The following PRR7 variants were observed in gnomAD, a reference collection of about 807,000 sequenced individuals.
The protein encoded by PRR7 is proline-rich protein 7.
Under a neutral mutation model 18.5 loss-of-function variants are expected in PRR7, and 8 were observed. The ratio of observed to expected loss-of-function variants is 0.43; its 90% CI spans 0.25 to 0.78. PRR7 has a LOEUF of 0.78. PRR7 is among the 30% of genes least tolerant of loss of function. The pLI, the probability that PRR7 is intolerant of heterozygous loss-of-function variation, is 0.22. For missense variants in PRR7, 396 were observed against 403.1 expected (o/e 0.98, Z 0.15); for synonymous variants, 221 against 187.7 (o/e 1.18, Z -1.45).
Position 177,449,203 on chromosome 5 carries a change from C to T in PRR7, c.-325+2243C>T, listed in dbSNP as rs1756066336. 6.6e-6 allele frequency among the ~76,000 whole-genome samples: 1 copy of T among 152,240 alleles called. No homozygotes were observed. The highest frequency in any genetic ancestry group is 2.4e-5 in the African/African-American group (1 of 41,456). The stretch of plus-strand genomic sequence containing the variant: ...TTTAAAACATGTCTGAGAACTGTGT[C>T]CAACCTAAGGGTCCTGTGTCTGAGA... On this transcript the variant is annotated intron_variant, in intron 1 of 3. Transcript: ENST00000323249. The surrounding 1 kb of genome is among the most constrained non-coding windows in gnomAD (Gnocchi z 4.2).
Position 177,455,161 on chromosome 5 carries a change from A to G in PRR7, c.94A>G (p.Ser32Gly). Residue 32 changes from serine (S) to glycine (G), a missense_variant, in exon 3 of 4, where the codon AGC becomes GGC. Ser to Gly is a moderately conservative substitution (Grantham distance 56). Coordinates refer to ENST00000323249, the MANE Select transcript of PRR7 (RefSeq NM_030567.5). The surrounding 1 kb of genome is among the most constrained non-coding windows in gnomAD (Gnocchi z 6.9). The stretch of plus-strand genomic sequence containing the variant: ...CATCGTCCTGCTCTGCTGCTTCTGC[A>G]GCTTCCTGCGCCGCCGCCTCAAACG... ...GLIVLLCCFC[S>G]FLRRRLKRRQ... 6.3e-7 allele frequency: 1 copy of G among 1,576,120 alleles called. No homozygotes were observed.
rs1756148742 is a variant in PRR7 at position 177,451,031 on chromosome 5, G to A, written c.-324-2925G>A. Among the ~76,000 whole-genome samples the A allele has an allele frequency of 2.0e-5, 3 of 152,336 alleles. 1 individual carries two copies. Among genetic ancestry groups the A allele is most frequent in the Admixed American group, 2.0e-4 (3 of 15,302 alleles). On this transcript the variant is annotated intron_variant, in intron 1 of 3. Coordinates refer to ENST00000323249, the MANE Select transcript of PRR7 (RefSeq NM_030567.5). ...GGCAAGCATGGTGATGGGGGCCAGG[G>A]GAGAGACGATGCTGGCCTGGCCAAG...
chr5:177,455,516 G>A lies in PRR7; in HGVS notation c.427+22G>A. On this transcript the variant is annotated intron_variant, in intron 3 of 3. Coordinates refer to ENST00000323249, the MANE Select transcript of PRR7 (RefSeq NM_030567.5). The surrounding 1 kb of genome is among the most constrained non-coding windows in gnomAD (Gnocchi z 6.9). ...CAAGGTGAGTACCGACCTCCGCCAG[G>A]GGGCGATCCGGGCCGCCGGAAGTGG... The A allele has an allele frequency of 6.9e-7, 1 of 1,457,600 alleles. No individual in the cohort carries two copies. The allele number at this position is 1,457,600 out of a possible 1,614,324, so 90.3% of individuals were successfully genotyped here. A position where few individuals can be genotyped will look rare whatever the true frequency, so the allele number is the denominator to read the frequency against.
Position 177,456,273 on chromosome 5 carries a change from C to A in PRR7, c.*152C>A. 9.3e-7 allele frequency: 1 copy of A among 1,075,538 alleles called. No individual in the cohort carries two copies. Among genetic ancestry groups the A allele is most frequent in the Non-Finnish European group, 1.3e-6 (1 of 793,084 alleles). 66.6% of individuals were successfully genotyped at this position (1,075,538 alleles called of 1,614,324 possible). On this transcript the variant is annotated 3_prime_UTR_variant, in exon 4 of 4. Coordinates refer to ENST00000323249, the MANE Select transcript of PRR7 (RefSeq NM_030567.5). The stretch of plus-strand genomic sequence containing the variant: ...TTTGAGGATAATAAAGGTGTGTGAT[C>A]TGGTTTGGTACAAGCGGAGGGTGCA...
At position 177,450,478 on chromosome 5, in the gene PRR7, T is replaced by C. The variant is rs980974852; in HGVS notation, c.-324-3478T>C. 1.1e-4 allele frequency among the ~76,000 whole-genome samples: 16 copies of C among 152,194 alleles called. No individual in the cohort carries two copies. Among genetic ancestry groups the C allele is most frequent in the South Asian group, 6.2e-4 (3 of 4,836 alleles). ...ATGGCTGACATTTCCCAGGAATGAA[T>C]TGGACACAGAGCCAGCCCTTGAGGT... is the stretch of plus-strand genomic sequence containing the variant. On this transcript the variant is annotated intron_variant, in intron 1 of 3. Coordinates refer to ENST00000323249, the MANE Select transcript of PRR7 (RefSeq NM_030567.5). This position sits in a 1 kb window ranked among gnomAD's most constrained non-coding sequence, Gnocchi z 6.6.
At position 177,455,421 on chromosome 5, in the gene PRR7, C is replaced by A. The variant is rs1028868393; in HGVS notation, c.354C>A (p.His118Gln). The change falls in exon 3 of 4, where the codon CAC becomes CAA. Residue 118 changes from histidine (H) to glutamine (Q), a missense_variant. His to Gln is a conservative substitution (Grantham distance 24, BLOSUM62 0). Transcript: ENST00000323249. This position sits in a 1 kb window ranked among gnomAD's most constrained non-coding sequence, Gnocchi z 6.9. Reference protein sequence around the residue: ...QPHAHAHPHPHHHALPHPPPT... With the variant: ...QPHAHAHPHPQHHALPHPPPT... Reference sequence around the variant, plus strand: ...ACGCGCACGCGCACCCACACCCGCACCACCACGCGCTCCCGCACCCGCCGC... The same window carrying A: ...ACGCGCACGCGCACCCACACCCGCAACACCACGCGCTCCCGCACCCGCCGC... The A allele has an allele frequency of 1.2e-5, 18 of 1,505,434 alleles. No individual in the cohort carries two copies. Among genetic ancestry groups the A allele is most frequent in the Non-Finnish European group, 1.6e-5 (18 of 1,134,540 alleles). 93.3% of individuals were successfully genotyped at this position (1,505,434 alleles called of 1,614,324 possible).
Position 177,454,948 on chromosome 5 carries a change from C to G in PRR7, c.-120C>G. ...ACTTGAGACCTGCCACGGGCAGCCCCCGGCCGCGGGTCCCCGAGTGACGCT... is the reference window on the plus strand; with the variant it reads ...ACTTGAGACCTGCCACGGGCAGCCCGCGGCCGCGGGTCCCCGAGTGACGCT... On this transcript the variant is annotated 5_prime_UTR_variant, in exon 3 of 4. Transcript: ENST00000323249. This position sits in a 1 kb window ranked among gnomAD's most constrained non-coding sequence, Gnocchi z 4.7. The G allele has an allele frequency of 7.7e-7, 1 of 1,293,124 alleles. No homozygotes were observed. Among genetic ancestry groups the G allele is most frequent in the Non-Finnish European group, 9.8e-7 (1 of 1,016,784 alleles). The allele number at this position is 1,293,124 out of a possible 1,614,324, so 80.1% of individuals were successfully genotyped here. A position where few individuals can be genotyped will look rare whatever the true frequency, so the allele number is the denominator to read the frequency against.
At position 177,455,551 on chromosome 5, in the gene PRR7, G is replaced by C; in HGVS notation, c.427+57G>C. 1 of 1,434,250 alleles carries C rather than the reference G, an allele frequency of 7.0e-7. No individual in the cohort carries two copies. The highest frequency in any genetic ancestry group is 9.1e-7 in the Non-Finnish European group (1 of 1,104,562). The allele number at this position is 1,434,250 out of a possible 1,614,324, so 88.8% of individuals were successfully genotyped here. A position where few individuals can be genotyped will look rare whatever the true frequency, so the allele number is the denominator to read the frequency against. ...GGGCCGCCGGAAGTGGGCGGGCGTT[G>C]GAGGGCTCGCTGCTTACCCTCAGGG... On this transcript the variant is annotated intron_variant, in intron 3 of 3. Coordinates refer to ENST00000323249, the MANE Select transcript of PRR7 (RefSeq NM_030567.5). The surrounding 1 kb of genome is among the most constrained non-coding windows in gnomAD (Gnocchi z 6.9).
At position 177,446,941 on chromosome 5, in the gene PRR7, CGAG is replaced by C. The variant is rs1333793545; in HGVS notation, c.-338_-336del. 2 of 152,020 alleles carry C rather than the reference CGAG, an allele frequency of 1.3e-5. No homozygotes were observed. The highest frequency in any genetic ancestry group is 2.9e-5 in the Non-Finnish European group (2 of 68,098). 9.4% of individuals were successfully genotyped at this position (152,020 alleles called of 1,614,324 possible). ...TCGCCCCGAGCCAGGAGAACGAGCTCGAGGAGGATGCCTGGGCCCGTGAGTACC... is the reference window on the plus strand; with the variant it reads ...TCGCCCCGAGCCAGGAGAACGAGCTCGAGGATGCCTGGGCCCGTGAGTACC... On this transcript the variant is annotated 5_prime_UTR_variant, in exon 1 of 4. The change creates a new upstream start codon in the 5' untranslated region. Coordinates refer to ENST00000323249, the MANE Select transcript of PRR7 (RefSeq NM_030567.5). The surrounding 1 kb of genome is among the most constrained non-coding windows in gnomAD (Gnocchi z 5.3).
At position 177,455,963 on chromosome 5, in the gene PRR7, G is replaced by T; in HGVS notation, c.667G>T (p.Ala223Ser). 6.3e-7 allele frequency: 1 copy of T among 1,591,208 alleles called. No homozygotes were observed. The change falls in exon 4 of 4, where the codon GCG becomes TCG. Residue 223 changes from alanine to serine, a missense_variant. By Grantham distance (99) the Ala-to-Ser change is moderately conservative (BLOSUM62 1). Around this residue, in one of 2 missense-constraint regions of PRR7, gnomAD observed 383 missense variants for 372.6 expected, o/e 1.03. Transcript: ENST00000323249. This position sits in a 1 kb window ranked among gnomAD's most constrained non-coding sequence, Gnocchi z 6.9. The stretch of plus-strand genomic sequence containing the variant: ...GCACCTGCCCAGCGCCCCTCGGCCC[G>T]CGCCGCCCTGCCCAGCCCTCTGCCT... ...ALHLPSAPRPAPPCPALCLQA... is the reference protein window; with the variant it reads ...ALHLPSAPRPSPPCPALCLQA...
chr5:177,451,387 T>C (rs1459541350), intron 1 of PRR7, among the ~76,000 whole-genome samples: 2 of 108,570 alleles, frequency 1.8e-5, no homozygotes, highest in Non-Finnish European at 3.9e-5. Context: ...CTTCGGAGAG[T>C]GAGTGTGGAG....
rs1210947857 is a variant in PRR7 at position 177,456,094 on chromosome 5, C to T, written c.798C>T (p.Pro266=). The T allele has an allele frequency of 4.5e-6, 7 of 1,550,464 alleles. No individual in the cohort carries two copies. The highest frequency in any genetic ancestry group is 6.1e-6 in the Non-Finnish European group (7 of 1,156,232). The change falls in exon 4 of 4, where the codon CCC becomes CCT. Residue 266 remains proline, a synonymous_variant. Coordinates refer to ENST00000323249, the MANE Select transcript of PRR7 (RefSeq NM_030567.5). Reference sequence around the variant, plus strand: ...CTTGGCGTCTGCCGGTCTCCATCCCCTTGTTCGGGAGGACTACAGCCGTAT... The same window carrying T: ...CTTGGCGTCTGCCGGTCTCCATCCCTTTGTTCGGGAGGACTACAGCCGTAT... ...HGAWRLPVSI[P]LFGRTTAV
At chr5:177,453,871 C>T (rs1443009306) in intron 1 of PRR7, 85 bp from the exon 2 acceptor site, 1 of 152,294 alleles carries the variant, frequency 6.6e-6, no homozygotes, top group Non-Finnish European at 1.5e-5. Flanking sequence ...TCAGGAAAGG[C>T]TCAGTTCTGT....
At position 177,449,632 on chromosome 5, in the gene PRR7, AGG is replaced by A. The variant is rs1208041560; in HGVS notation, c.-325+2673_-325+2674del. Among the ~76,000 whole-genome samples, 1 of 152,120 alleles carries A rather than the reference AGG, an allele frequency of 6.6e-6. No homozygotes were observed. The highest frequency in any genetic ancestry group is 1.5e-5 in the Non-Finnish European group (1 of 68,010). ...GAGCCACAGGCTGAGGTTTCAGAGG[AGG>A]AACCTGGTCTCTGAAAACCCTGCCC... On this transcript the variant is annotated intron_variant, in intron 1 of 3. Transcript: ENST00000323249. The surrounding 1 kb of genome is among the most constrained non-coding windows in gnomAD (Gnocchi z 4.2).
rs1466976366 is a variant in PRR7 at position 177,456,055 on chromosome 5, C to T, written c.759C>T (p.Pro253=). ...WTDSELSSRE[P]LEHGAWRLPV... ...ACTCAGAGCTCAGCAGCCGCGAGCCCCTGGAGCACGGAGCTTGGCGTCTGC... is the reference window on the plus strand; with the variant it reads ...ACTCAGAGCTCAGCAGCCGCGAGCCTCTGGAGCACGGAGCTTGGCGTCTGC... Residue 253 remains proline (P), a synonymous_variant, in exon 4 of 4, where the codon CCC becomes CCT. Transcript: ENST00000323249. 1.3e-6 allele frequency: 2 copies of T among 1,581,540 alleles called. No homozygotes were observed. Among genetic ancestry groups the T allele is most frequent in the South Asian group, 2.3e-5 (2 of 88,026 alleles).
At position 177,450,827 on chromosome 5, in the gene PRR7, G is replaced by A. The variant is rs1756144099; in HGVS notation, c.-324-3129G>A. 6.6e-6 allele frequency among the ~76,000 whole-genome samples: 1 copy of A among 152,224 alleles called. No homozygotes were observed. The highest frequency in any genetic ancestry group is 6.5e-5 in the Admixed American group (1 of 15,286). On this transcript the variant is annotated intron_variant, in intron 1 of 3. Coordinates refer to ENST00000323249, the MANE Select transcript of PRR7 (RefSeq NM_030567.5). The surrounding 1 kb of genome is among the most constrained non-coding windows in gnomAD (Gnocchi z 6.6). ...AAATGCAAACTCGGGCCCCATCCTA[G>A]ACCTACTGAATCCAGTACTGGGAAT...
chr5:177,447,983 GGGA>G (rs1478215477), intron 1 of PRR7, among the ~76,000 whole-genome samples: 3 of 152,218 alleles, frequency 2.0e-5, no homozygotes, highest in African/African-American at 7.2e-5. Flanking sequence ...GAGCTCCTCT[GGGA>G]GGAGAATGGC....
At position 177,455,698 on chromosome 5, in the gene PRR7, T is replaced by A. The variant is rs1756394626; in HGVS notation, c.428-26T>A. ...GAGGCTGGGAACCGGCGGCCTCACC[T>A]CCTCCGACCGCCTCCCACTCCGCAG... On this transcript the variant is annotated intron_variant, in intron 3 of 3. Transcript: ENST00000323249. This position sits in a 1 kb window ranked among gnomAD's most constrained non-coding sequence, Gnocchi z 6.9. The A allele has an allele frequency of 6.5e-7, 1 of 1,539,930 alleles. No homozygotes were observed. The highest frequency in any genetic ancestry group is 8.8e-7 in the Non-Finnish European group (1 of 1,140,004).
chr5:177,452,866 C>T (rs773823485), intron 1 of PRR7, among the ~76,000 whole-genome samples: 2 of 152,238 alleles, frequency 1.3e-5, no homozygotes, highest in Non-Finnish European at 2.9e-5. Context: ...CATCCTGTAG[C>T]TCTTTCTCAC....
Sources: allele counts gnomAD v4.1 joint callset (sites outside exome capture counted in the v4.1 genomes callset), GRCh38; gene constraint gnomAD v4.1.1; regional missense constraint gnomAD v4.1.1; non-coding constraint Gnocchi (gnomAD v3.1); transcripts MANE v1.5; gene names NCBI Gene and HGNC (gene_info 2026-07-23, HGNC 2026-07-21).